The following ADAMTS15 variants were observed in gnomAD, a reference collection of about 807,000 sequenced individuals.
ADAMTS15 encodes ADAM metallopeptidase with thrombospondin type 1 motif 15.
In ADAMTS15, 35 loss-of-function variants were observed where a neutral mutation model predicts 79.1. The ratio of observed to expected loss-of-function variants is 0.44; its 90% CI spans 0.34 to 0.59. The LOEUF is 0.59. ADAMTS15 is among the 20% of genes least tolerant of loss of function. ADAMTS15 has a pLI of 0.02. For synonymous variants in ADAMTS15, 616 were observed against 567.3 expected (o/e 1.09, Z -1.22); for missense variants, 1,324 against 1,318.7 (o/e 1.00, Z -0.06).
In ADAMTS15 at chr11:130,462,478, C is replaced by A; in HGVS notation, c.1259-19C>A. On this transcript the variant is annotated intron_variant, in intron 3 of 7. Coordinates refer to ENST00000299164, the MANE Select transcript of ADAMTS15 (RefSeq NM_139055.4). The surrounding 1 kb of genome is among the most constrained non-coding windows in gnomAD (Gnocchi z 4.3). The stretch of plus-strand genomic sequence containing the variant: ...CATCTTCCCAGCTCATCCTAACGAA[C>A]GCCCTCGGCTCTCTGCAGGTGACTG... 6.4e-7 allele frequency: 1 copy of A among 1,564,142 alleles called. No homozygotes were observed.
rs1053607726 is a variant in ADAMTS15 at position 130,451,355 on chromosome 11, C to T, written c.957+1425C>T. ...GGCACAGCTAGTCCCTTCCTGGAGT[C>T]GAACTTCCTCTGTTCCCAGCCTTCT... On this transcript the variant is annotated intron_variant, in intron 1 of 7. Transcript: ENST00000299164. Among the ~76,000 whole-genome samples, 5 of 152,172 alleles carry T rather than the reference C, an allele frequency of 3.3e-5. No homozygotes were observed. The South Asian group carries it at 6.2e-4, about 19-fold the overall frequency.
Position 130,449,794 on chromosome 11 carries a change from A to C in ADAMTS15, c.821A>C (p.Asp274Ala). 1 of 1,612,070 alleles carries C rather than the reference A, an allele frequency of 6.2e-7. No individual in the cohort carries two copies. Among genetic ancestry groups the C allele is most frequent in the Non-Finnish European group, 8.5e-7 (1 of 1,180,014 alleles). Residue 274 changes from aspartate to alanine, a missense_variant, in exon 1 of 8, where the codon GAT (aspartate) becomes GCT (alanine). Physicochemically the swap from Asp to Ala is moderately radical, Grantham distance 126. Transcript: ENST00000299164. This position sits in a 1 kb window ranked among gnomAD's most constrained non-coding sequence, Gnocchi z 7.8. ...IVVVKVLLLR[D>A]RDSGPKVTGN... ...GTGGTCAAGGTGCTGCTTCTTAGAGATCGTGACTCCGGGCCCAAGGTCACC... is the reference window on the plus strand; with the variant it reads ...GTGGTCAAGGTGCTGCTTCTTAGAGCTCGTGACTCCGGGCCCAAGGTCACC...
intron 4 of ADAMTS15, among the ~76,000 whole-genome samples, chr11:130,465,674 G>A (rs1303176226): frequency 3.3e-5 from 5 of 151,838 alleles, no homozygotes; most frequent in East Asian, 1.9e-4. Flanking sequence ...TGCACACTAC[G>A]AAGGTCAGTG....
chr11:130,452,941 A>C (rs1937994384), intron 1 of ADAMTS15, among the ~76,000 whole-genome samples: 2 of 150,554 alleles, frequency 1.3e-5, no homozygotes, highest in African/African-American at 4.9e-5. Flanking sequence ...AGATCATGCC[A>C]CTGCACTGCA....
At chr11:130,471,504 C>T in intron 7 of ADAMTS15, 121 bp downstream of exon 7, 2 of 1,101,572 alleles carry the variant, frequency 1.8e-6, no homozygotes, top group Non-Finnish European at 2.5e-6. Context: ...ACCCTTGCTG[C>T]AGAGGCCACC....
At position 130,469,293 on chromosome 11, in the gene ADAMTS15, A is replaced by T. The variant is rs574771646; in HGVS notation, c.1574A>T (p.Tyr525Phe). The change falls in exon 5 of 8, where the codon TAT becomes TTT. Residue 525 changes from tyrosine to phenylalanine, a missense_variant. Coordinates refer to ENST00000299164, the MANE Select transcript of ADAMTS15 (RefSeq NM_139055.4). ...VDGSWAKWDP[Y>F]GPCSRTCGGG... ...GGTTCCTGGGCCAAATGGGATCCCT[A>T]TGGCCCCTGCTCGCGCACATGTGGT... is the stretch of plus-strand genomic sequence containing the variant. 9 of 1,402,026 alleles carry T rather than the reference A, an allele frequency of 6.4e-6. No homozygotes were observed. The highest frequency in any genetic ancestry group is 8.4e-6 in the Non-Finnish European group (9 of 1,073,230). 86.8% of individuals were successfully genotyped at this position (1,402,026 alleles called of 1,614,324 possible). A position where few individuals can be genotyped will look rare whatever the true frequency, so the allele number is the denominator to read the frequency against.
intron 5 of ADAMTS15, among the ~76,000 whole-genome samples, chr11:130,470,186 G>GTATATATATATATATATATATA: frequency 1.5e-5 from 1 of 67,154 alleles, no homozygotes; most frequent in East Asian, 3.3e-4. Context: ...ATATATGTGT[G>GTATATATATATATATATATATA]TATATATATA....
At position 130,473,324 on chromosome 11, in the gene ADAMTS15, G is replaced by A. The variant is rs558557510; in HGVS notation, c.2356G>A (p.Val786Met). 4.7e-5 allele frequency: 76 copies of A among 1,613,068 alleles called. 1 individual carries two copies. The Admixed American group carries it at 8.0e-4, about 17-fold the overall frequency. Reference protein sequence around the residue: ...LEPLTVEVLSVGKMTPPRVRY... With the variant: ...LEPLTVEVLSMGKMTPPRVRY... ...GCCGCTGACCGTGGAGGTCCTCTCC[G>A]TGGGGAAGATGACACCGCCCCGGGT... The change falls in exon 8 of 8, where the codon GTG becomes ATG. Residue 786 changes from valine to methionine, a missense_variant. By Grantham distance (21) the Val-to-Met change is conservative. Transcript: ENST00000299164.
Position 130,449,243 on chromosome 11 carries a change from G to T in ADAMTS15, c.270G>T (p.Gly90=). 1 of 1,613,552 alleles carries T rather than the reference G, an allele frequency of 6.2e-7. No homozygotes were observed. Among genetic ancestry groups the T allele is most frequent in the Non-Finnish European group, 8.5e-7 (1 of 1,180,016 alleles). The change falls in exon 1 of 8, where the codon GGG becomes GGT. Residue 90 remains glycine (G), a synonymous_variant. Transcript: ENST00000299164. The surrounding 1 kb of genome is among the most constrained non-coding windows in gnomAD (Gnocchi z 7.8). ...STEHLGVPLQ[G]LTGGSSDLRR... Reference sequence around the variant, plus strand: ...AGCATCTGGGCGTCCCCCTCCAGGGGCTCACCGGGGGCTCTTCAGACCTGC... The same window carrying T: ...AGCATCTGGGCGTCCCCCTCCAGGGTCTCACCGGGGGCTCTTCAGACCTGC...
rs1375379446 is a variant in ADAMTS15, at chr11:130,474,037, C to T, written c.*216C>T. 3.2e-6 allele frequency: 2 copies of T among 616,476 alleles called. No individual in the cohort carries two copies. Among genetic ancestry groups the T allele is most frequent in the East Asian group, 2.9e-5 (1 of 34,288 alleles). 38.2% of individuals were successfully genotyped at this position (616,476 alleles called of 1,614,324 possible). ...GAACTCCCGCACAGTCTACCTCAGG[C>T]CCCGCTCCTCGGGCCGGTTGCGGGG... On this transcript the variant is annotated 3_prime_UTR_variant, in exon 8 of 8. Coordinates refer to ENST00000299164, the MANE Select transcript of ADAMTS15 (RefSeq NM_139055.4).
rs1407206466 is a variant in ADAMTS15, at chr11:130,470,174, ATATATATGTGTG to A, written c.1721-738_1721-727del. Among the ~76,000 whole-genome samples the A allele has an allele frequency of 9.8e-3, 622 of 63,516 alleles. 23 individuals are homozygous for A. Among genetic ancestry groups the A allele is most frequent in the Non-Finnish European group, 0.015 (507 of 34,772 alleles). 41.7% of individuals were successfully genotyped at this position (63,516 alleles called of 152,430 possible). A position where few individuals can be genotyped will look rare whatever the true frequency, so the allele number is the denominator to read the frequency against. On this transcript the variant is annotated intron_variant, in intron 5 of 7. Transcript: ENST00000299164. ...TATGTGTATATATATATATATATAT[ATATATATGTGTG>A]TATATATATATATATATATATATGT...
chr11:130,459,690 T>G (rs950707589), intron 1 of ADAMTS15, among the ~76,000 whole-genome samples: 1 of 152,198 alleles, frequency 6.6e-6, no homozygotes, highest in Non-Finnish European at 1.5e-5. Context: ...GCACCCGGGT[T>G]CAGGCTGGTC....
rs189655211 is a variant in ADAMTS15, at chr11:130,468,722, G to A, written c.1543-540G>A. On this transcript the variant is annotated intron_variant, in intron 4 of 7. Coordinates refer to ENST00000299164, the MANE Select transcript of ADAMTS15 (RefSeq NM_139055.4). ...GGAGCTTGCAGTGAGCCGGGATAGC[G>A]CCACTGCAGTCCAGCCTGGGCGAAA... 3.3e-3 allele frequency among the ~76,000 whole-genome samples: 463 copies of A among 140,470 alleles called. 2 individuals are homozygous for A. Among genetic ancestry groups the A allele is most frequent in the African/African-American group, 0.012 (449 of 37,066 alleles). The allele number at this position is 140,470 out of a possible 152,430, so 92.2% of individuals were successfully genotyped here. A position where few individuals can be genotyped will look rare whatever the true frequency, so the allele number is the denominator to read the frequency against.
intron 4 of ADAMTS15, among the ~76,000 whole-genome samples, chr11:130,463,556 C>T (rs746884102): frequency 2.6e-5 from 4 of 152,278 alleles, no homozygotes; most frequent in Middle Eastern, 3.4e-3. Flanking sequence ...CCCCTGTTCT[C>T]AGCTCGGGGA....
Position 130,473,777 on chromosome 11 carries a change from C to A in ADAMTS15, c.2809C>A (p.Arg937Ser), listed in dbSNP as rs770504241. The change falls in exon 8 of 8, where the codon CGC becomes AGC. Residue 937 changes from arginine (R) to serine (S), a missense_variant. Arg to Ser is a moderately radical substitution (Grantham distance 110). Transcript: ENST00000299164. Reference sequence around the variant, plus strand: ...GGCCCGGGACCAGTGCAACTTGCACCGCAAGCCCCAGGAGCTGGACTTCTG... The same window carrying A: ...GGCCCGGGACCAGTGCAACTTGCACAGCAAGCCCCAGGAGCTGGACTTCTG... ...LLARDQCNLH[R>S]KPQELDFCVL... 1 of 1,598,870 alleles carries A rather than the reference C, an allele frequency of 6.3e-7. No homozygotes were observed. Among genetic ancestry groups the A allele is most frequent in the East Asian group, 2.2e-5 (1 of 44,862 alleles).
At chr11:130,456,276 GA>G (rs1303961882) in intron 1 of ADAMTS15, among the ~76,000 whole-genome samples, 1 of 151,666 alleles carries the variant, frequency 6.6e-6, no homozygotes, top group Non-Finnish European at 1.5e-5. Context: ...TTGAAGGGGT[GA>G]TTTTTTTTTT....
Position 130,461,538 on chromosome 11 carries a change from G to A in ADAMTS15, c.1007G>A (p.Gly336Asp), listed in dbSNP as rs1334437301. 6.2e-7 allele frequency: 1 copy of A among 1,614,176 alleles called. No individual in the cohort carries two copies. Among genetic ancestry groups the A allele is most frequent in the South Asian group, 1.1e-5 (1 of 91,088 alleles). ...GACACCCTGGGCATGGCTGATGTGGGTACCATGTGTGACCCCAAGAGAAGC... is the reference window on the plus strand; with the variant it reads ...GACACCCTGGGCATGGCTGATGTGGATACCATGTGTGACCCCAAGAGAAGC... The part of the protein sequence containing the change: ...TCDTLGMADV[G>D]TMCDPKRSCS... The change falls in exon 2 of 8, where the codon GGT becomes GAT. Residue 336 changes from glycine to aspartate, a missense_variant. By Grantham distance (94) the Gly-to-Asp change is moderately conservative. Coordinates refer to ENST00000299164, the MANE Select transcript of ADAMTS15 (RefSeq NM_139055.4).
rs775213753 is a variant in ADAMTS15 at position 130,449,468 on chromosome 11, G to A, written c.495G>A (p.Gly165=). 1.1e-5 allele frequency: 18 copies of A among 1,567,784 alleles called. No individual in the cohort carries two copies. The highest frequency in any genetic ancestry group is 1.0e-4 in the Admixed American group (6 of 57,550). Residue 165 remains glycine, a synonymous_variant, in exon 1 of 8, where the codon GGG becomes GGA. Transcript: ENST00000299164. The surrounding 1 kb of genome is among the most constrained non-coding windows in gnomAD (Gnocchi z 7.8). ...TCCAGCGCCGGGGTGTTCCGGGCGG[G>A]CCTTCCGGAGACCCCACCTCTCGCT... The part of the protein sequence containing the change: ...HLLQRRGVPG[G]PSGDPTSRCG...
At chr11:130,470,161 T>TATAC (rs1565397678) in intron 5 of ADAMTS15, among the ~76,000 whole-genome samples, 5 of 54,442 alleles carry the variant, frequency 9.2e-5, no homozygotes, top group African/African-American at 4.5e-4. Flanking sequence ...TGTGTATATA[T>TATAC]ATATATATAT....
Sources: allele counts gnomAD v4.1 joint callset (sites outside exome capture counted in the v4.1 genomes callset), GRCh38; gene constraint gnomAD v4.1.1; non-coding constraint Gnocchi (gnomAD v3.1); transcripts MANE v1.5; gene names NCBI Gene and HGNC (gene_info 2026-07-23, HGNC 2026-07-21).